The following MPP7 variants were observed in gnomAD, a reference collection of about 807,000 sequenced individuals.
The protein encoded by MPP7 is MAGUK p55 subfamily member 7.
In MPP7, 60 loss-of-function variants were observed where a neutral mutation model predicts 76.5. The ratio of observed to expected loss-of-function variants is 0.78; its 90% CI spans 0.64 to 0.97. MPP7 has a LOEUF of 0.97. Ranked by LOEUF, MPP7 falls within the 50% of genes least tolerant of loss-of-function variation. MPP7 has a pLI of 0.00. For missense variants in MPP7, 641 were observed against 694.0 expected, an observed-to-expected ratio of 0.92 and a Z score of 0.86; for synonymous variants, 237 against 244.5, an observed-to-expected ratio of 0.97 and a Z score of 0.29.
At chr10:28,194,855 T>C (rs916248451) in intron 3 of MPP7, among the ~76,000 whole-genome samples, 2 of 152,188 alleles carry the variant, frequency 1.3e-5, no homozygotes, top group Admixed American at 6.5e-5. Flanking sequence ...TTAATGTAGA[T>C]AATGGAGTTC....
chr10:28,208,360 C>T (rs1442515088), intron 2 of MPP7, among the ~76,000 whole-genome samples: 1 of 152,144 alleles, frequency 6.6e-6, no homozygotes, highest in African/African-American at 2.4e-5. Context: ...CCTGGCATAG[C>T]AGGACTAAAA....
intron 15 of MPP7, chr10:28,057,708 G>A (rs1851617448): frequency 7.8e-7 from 1 of 1,282,246 alleles, no homozygotes; most frequent in African/African-American, 1.6e-5. Context: ...CAAGTCAGGA[G>A]GCAGCCTTCC....
At chr10:28,182,857 C>T (rs924404584) in intron 3 of MPP7, among the ~76,000 whole-genome samples, 5 of 152,216 alleles carry the variant, frequency 3.3e-5, no homozygotes, top group African/African-American at 4.8e-5. Flanking sequence ...GCGGGTGGAT[C>T]ACCTGAGGTC....
intron 3 of MPP7, among the ~76,000 whole-genome samples, chr10:28,174,768 A>C (rs2133882291): frequency 6.6e-6 from 1 of 152,332 alleles, no homozygotes; most frequent in African/African-American, 2.4e-5. Context: ...TCAGGCAAAG[A>C]CCTGTACAGG....
chr10:28,303,016 G>T lies in MPP7; in HGVS notation c.-287C>A, dbSNP rs1035054856. Among the ~76,000 whole-genome samples, 25 of 150,118 alleles carry T rather than the reference G, an allele frequency of 1.7e-4. No homozygotes were observed. Among genetic ancestry groups the T allele is most frequent in the Non-Finnish European group, 3.0e-4 (20 of 66,898 alleles). Reference sequence around the variant, plus strand: ...CCGCCGCGGCGGGCGCAGAACGCACGAGCCCAGTGGGAGCCCGGCCCCCGC... The same window carrying T: ...CCGCCGCGGCGGGCGCAGAACGCACTAGCCCAGTGGGAGCCCGGCCCCCGC... On this transcript the variant is annotated 5_prime_UTR_variant, in exon 1 of 17. Transcript: ENST00000683449.
chr10:28,220,619 T>TA (rs1176832089), intron 2 of MPP7, among the ~76,000 whole-genome samples: 2 of 152,142 alleles, frequency 1.3e-5, no homozygotes, highest in Non-Finnish European at 2.9e-5. Context: ...TTCATTGTAT[T>TA]AAGTGGTAAG....
intron 13 of MPP7, among the ~76,000 whole-genome samples, chr10:28,060,382 T>C (rs1588709519): frequency 1.3e-5 from 2 of 152,134 alleles, no homozygotes; most frequent in Non-Finnish European, 2.9e-5. Flanking sequence ...AACGACAACA[T>C]GAACAAAGCC....
chr10:28,271,133 G>C (rs1018202729), intron 1 of MPP7, among the ~76,000 whole-genome samples: 1 of 152,144 alleles, frequency 6.6e-6, no homozygotes, highest in Non-Finnish European at 1.5e-5. Context: ...TGGTTTCTAG[G>C]CAAAAGGAAG....
intron 5 of MPP7, among the ~76,000 whole-genome samples, chr10:28,133,985 G>A (rs115466739): frequency 0.013 from 1,983 of 152,032 alleles, 55 homozygotes; most frequent in African/African-American, 0.045. Context: ...GTTGTTTTCC[G>A]TTCTTGGCTA....
chr10:28,311,278 T>G (rs1841288116), intron 2 of MPP7, among the ~76,000 whole-genome samples: 1 of 152,190 alleles, frequency 6.6e-6, no homozygotes, highest in Non-Finnish European at 1.5e-5. Context: ...CTTCTGTATG[T>G]AAACTGAGAG....
intron 13 of MPP7, among the ~76,000 whole-genome samples, chr10:28,060,523 G>A (rs1303016685): frequency 6.6e-6 from 1 of 152,210 alleles, no homozygotes; most frequent in Non-Finnish European, 1.5e-5. Context: ...CAGGTAGACT[G>A]TAGAGGGGAG....
intron 2 of MPP7, among the ~76,000 whole-genome samples, chr10:28,323,745 G>A (rs907446428): frequency 6.6e-6 from 1 of 152,046 alleles, no homozygotes; most frequent in Non-Finnish European, 1.5e-5. Flanking sequence ...ATGACTGGGA[G>A]ACAATGAATG....
chr10:28,209,543 T>A (rs1474806118), intron 2 of MPP7, among the ~76,000 whole-genome samples: 1 of 152,124 alleles, frequency 6.6e-6, no homozygotes, highest in African/African-American at 2.4e-5. Flanking sequence ...TTGTTTTCGA[T>A]GTTCTTTCTG....
intron 1 of MPP7, among the ~76,000 whole-genome samples, chr10:28,243,777 A>T (rs1301773171): frequency 1.3e-5 from 2 of 152,344 alleles, no homozygotes; most frequent in East Asian, 3.9e-4. Context: ...ATACAAAAAT[A>T]TAAAGGTCTC....
intron 9 of MPP7, 34 bp from the exon 10 acceptor site, chr10:28,120,424 A>AT: frequency 2.5e-6 from 4 of 1,582,874 alleles, no homozygotes; most frequent in Non-Finnish European, 3.4e-6. Context: ...ATGAATAAAG[A>AT]TAAAAAATAA....
intron 5 of MPP7, 110 bp from the exon 6 acceptor site, chr10:28,131,801 G>A: frequency 1.3e-5 from 6 of 473,290 alleles, no homozygotes; most frequent in Non-Finnish European, 1.7e-5. Context: ...TCAAAACAGT[G>A]TTACGGTTTT....
At chr10:28,124,320 G>C (rs553333751) in intron 7 of MPP7, among the ~76,000 whole-genome samples, 2 of 152,282 alleles carry the variant, frequency 1.3e-5, no homozygotes, top group Non-Finnish European at 2.9e-5. Flanking sequence ...TGCTGGCCAA[G>C]AAATGGTAAC....
intron 11 of MPP7, among the ~76,000 whole-genome samples, chr10:28,094,483 T>C (rs775710685): frequency 1.3e-5 from 2 of 152,212 alleles, no homozygotes; most frequent in East Asian, 1.9e-4. Flanking sequence ...AAATAATTCA[T>C]GTAAAGCTTT....
chr10:28,091,853 T>C (rs1853322904), intron 11 of MPP7, among the ~76,000 whole-genome samples: 1 of 152,228 alleles, frequency 6.6e-6, no homozygotes, highest in South Asian at 2.1e-4. Context: ...ATTTACATTG[T>C]ATTAGGTATT....
Sources: allele counts gnomAD v4.1 joint callset (sites outside exome capture counted in the v4.1 genomes callset), GRCh38; gene constraint gnomAD v4.1.1; transcripts MANE v1.5; gene names NCBI Gene and HGNC (gene_info 2026-07-23, HGNC 2026-07-21).